Variants in KCNH7 observed in about 807,000 individuals in gnomAD.
The protein encoded by KCNH7 is potassium voltage-gated channel subfamily H member 7.
In KCNH7, 49 loss-of-function variants were observed where a neutral mutation model predicts 120.8. That is an observed-to-expected ratio of 0.41 (90% confidence interval 0.32 to 0.51). The LOEUF is 0.51. Ranked by LOEUF, KCNH7 falls within the 20% of genes least tolerant of loss-of-function variation. The pLI is 0.38. For synonymous variants in KCNH7, 547 were observed against 516.1 expected (o/e 1.06, Z -0.81); for missense variants, 1,097 against 1,446.6 (o/e 0.76, Z 3.92).
At chr2:162,750,447 G>T (rs908701643) in intron 2 of KCNH7, among the ~76,000 whole-genome samples, 1 of 152,062 alleles carries the variant, frequency 6.6e-6, no homozygotes, top group Non-Finnish European at 1.5e-5. Flanking sequence ...CATGATTTTA[G>T]AACTGCATCA....
intron 2 of KCNH7, among the ~76,000 whole-genome samples, chr2:162,750,847 A>G (rs1051381930): frequency 1.3e-5 from 2 of 152,186 alleles, no homozygotes; most frequent in African/African-American, 2.4e-5. Context: ...CAATATTTAT[A>G]TGGAAAATAC....
At chr2:162,601,362 T>C (rs1179129870) in intron 2 of KCNH7, among the ~76,000 whole-genome samples, 2 of 149,344 alleles carry the variant, frequency 1.3e-5, no homozygotes, top group Non-Finnish European at 3.0e-5. Flanking sequence ...ATTGTATCTG[T>C]TCTGACTTCC....
At chr2:162,387,489 T>C (rs1686608616) in intron 12 of KCNH7, among the ~76,000 whole-genome samples, 1 of 151,588 alleles carries the variant, frequency 6.6e-6, no homozygotes, top group Non-Finnish European at 1.5e-5. Context: ...AGGTACTTTT[T>C]TTTTCTTAAT....
Position 162,761,876 on chromosome 2 carries a change from T to C in KCNH7, c.307+74661A>G, listed in dbSNP as rs147662692. ...GCCAGAACCTCTCCCCTTCCTAGAG[T>C]TTGACTGTTAAACATTCCTTTAATT... On this transcript the variant is annotated intron_variant, in intron 2 of 15. Coordinates refer to ENST00000332142, the MANE Select transcript of KCNH7 (RefSeq NM_033272.4). Among the ~76,000 whole-genome samples, 1,119 of 152,190 alleles carry C rather than the reference T, an allele frequency of 7.4e-3. 7 individuals are homozygous for C. Among genetic ancestry groups the C allele is most frequent in the Middle Eastern group, 0.02 (6 of 294 alleles).
In KCNH7 at chr2:162,836,622, G is replaced by A. The variant is rs1685671858; in HGVS notation, c.222C>T (p.Thr74=). 4 of 1,614,114 alleles carry A rather than the reference G, an allele frequency of 2.5e-6. No homozygotes were observed. The highest frequency in any genetic ancestry group is 3.3e-5 in the Admixed American group (2 of 60,014). ...CTCDFLHGPE[T]KRHDIAQIAQ... ...CAATTTGGGCAATATCATGCCTCTT[G>A]GTCTCGGGTCCATGGAGAAAGTCGC... Residue 74 remains threonine, a synonymous_variant, in exon 2 of 16, where the codon ACC becomes ACT. Coordinates refer to ENST00000332142, the MANE Select transcript of KCNH7 (RefSeq NM_033272.4).
At chr2:162,684,158 G>GGC (rs1412984726) in intron 2 of KCNH7, among the ~76,000 whole-genome samples, 5 of 152,156 alleles carry the variant, frequency 3.3e-5, no homozygotes, top group Non-Finnish European at 7.3e-5. Flanking sequence ...GCAGAAAACT[G>GGC]TAACTGGACC....
chr2:162,404,694 C>T (rs1687157327), intron 9 of KCNH7, among the ~76,000 whole-genome samples: 1 of 152,008 alleles, frequency 6.6e-6, no homozygotes, highest in Non-Finnish European at 1.5e-5. Context: ...CAGATGCTAG[C>T]ACCATGCTTG....
chr2:162,381,514 T>C (rs1177324251), intron 13 of KCNH7, among the ~76,000 whole-genome samples: 3 of 152,086 alleles, frequency 2.0e-5, no homozygotes, highest in Non-Finnish European at 4.4e-5. Context: ...ACATTGAACA[T>C]AAAGAAATTT....
intron 2 of KCNH7, among the ~76,000 whole-genome samples, chr2:162,739,045 C>A (rs1367387820): frequency 6.6e-6 from 1 of 152,190 alleles, no homozygotes; most frequent in Non-Finnish European, 1.5e-5. Flanking sequence ...AGCTCAACTT[C>A]TCCTGAGTTC....
At chr2:162,419,354 T>C (rs989532754) in intron 9 of KCNH7, among the ~76,000 whole-genome samples, 19 of 150,746 alleles carry the variant, frequency 1.3e-4, no homozygotes, top group Non-Finnish European at 2.5e-4. Flanking sequence ...ATTACCTGAG[T>C]TGGGGGATAG....
At chr2:162,753,027 A>AGAAAC (rs1491212264) in intron 2 of KCNH7, among the ~76,000 whole-genome samples, 14 of 146,774 alleles carry the variant, frequency 9.5e-5, no homozygotes, top group South Asian at 2.1e-4. Flanking sequence ...AGAAAAGAAA[A>AGAAAC]GAAACCCTGA....
chr2:162,597,069 A>G (rs1249701002), intron 2 of KCNH7, among the ~76,000 whole-genome samples: 2 of 152,260 alleles, frequency 1.3e-5, no homozygotes, highest in African/African-American at 4.8e-5. Context: ...GGATGTGGAC[A>G]AAAGTCCGAG....
chr2:162,752,909 A>G (rs148440066), intron 2 of KCNH7, among the ~76,000 whole-genome samples: 3,281 of 40,338 alleles, frequency 0.081, 8 homozygotes, highest in Non-Finnish European at 0.099. Context: ...TCAGAAAAAG[A>G]AAAGAAAAGA....
intron 2 of KCNH7, among the ~76,000 whole-genome samples, chr2:162,719,987 G>A (rs944401363): frequency 1.1e-4 from 17 of 151,980 alleles, no homozygotes; most frequent in African/African-American, 4.1e-4. Flanking sequence ...CTCAATCTGA[G>A]TTTCTGTTAT....
At chr2:162,633,343 A>G (rs182992624) in intron 2 of KCNH7, among the ~76,000 whole-genome samples, 161 of 152,108 alleles carry the variant, frequency 1.1e-3, no homozygotes, top group African/African-American at 3.7e-3. Context: ...AAACCAAGGT[A>G]AAGAATTCCT....
chr2:162,424,271 C>A lies in KCNH7; in HGVS notation c.1955-736G>T, dbSNP rs1055404317. Among the ~76,000 whole-genome samples, 122 of 152,184 alleles carry A rather than the reference C, an allele frequency of 8.0e-4. 1 individual carries two copies. The highest frequency in any genetic ancestry group is 2.9e-3 in the African/African-American group (120 of 41,508). On this transcript the variant is annotated intron_variant, in intron 8 of 15. Transcript: ENST00000332142. ...TATGGGAAGAAACCGCTATGAGATC[C>A]CTTGCAACATAATCAGCATTTAGGT...
At chr2:162,481,264 C>CA (rs201612271) in intron 6 of KCNH7, among the ~76,000 whole-genome samples, 15 of 151,874 alleles carry the variant, frequency 9.9e-5, no homozygotes, top group South Asian at 6.2e-4. Flanking sequence ...ATCTGGAGAA[C>CA]AAAAAAAATT....
intron 12 of KCNH7, among the ~76,000 whole-genome samples, chr2:162,392,024 T>A (rs1686759557): frequency 1.3e-5 from 2 of 152,000 alleles, no homozygotes; most frequent in African/African-American, 4.8e-5. Flanking sequence ...TTAGTCCAAT[T>A]CAAGAAATAT....
chr2:162,769,701 A>C (rs989594659), intron 2 of KCNH7, among the ~76,000 whole-genome samples: 5 of 151,946 alleles, frequency 3.3e-5, no homozygotes, highest in Non-Finnish European at 7.4e-5. Flanking sequence ...TTAGGTTATA[A>C]AATACATGCA....
Sources: gnomAD v4.1 joint callset for allele counts (sites outside exome capture counted in the v4.1 genomes callset) on GRCh38, gnomAD v4.1.1 for gene constraint, MANE v1.5 for transcripts, NCBI Gene and HGNC (gene_info 2026-07-23, HGNC 2026-07-21) for gene names.